The following RERE variants were observed in gnomAD, a reference collection of about 807,000 sequenced individuals.
RERE encodes arginine-glutamic acid dipeptide repeats, also known as arginine-glutamic acid dipeptide repeats protein.
Under a neutral mutation model 146.1 loss-of-function variants are expected in RERE, and 40 were observed. That is an observed-to-expected ratio of 0.27 (90% CI 0.21 to 0.36). The LOEUF is 0.36. Ranked by LOEUF, RERE falls within the 10% of genes least tolerant of loss-of-function variation. RERE has a pLI of 1.00. For missense variants in RERE, 1,933 were observed against 2,138.7 expected (o/e 0.90, Z 1.90); for synonymous variants, 1,003 against 866.0 (o/e 1.16, Z -2.78).
At chr1:8,575,207 T>C (rs1426194336) in intron 4 of RERE, among the ~76,000 whole-genome samples, 3 of 152,050 alleles carry the variant, frequency 2.0e-5, no homozygotes, top group Non-Finnish European at 2.9e-5. Context: ...AACTTGAGAA[T>C]CAACACATAA....
intron 2 of RERE, among the ~76,000 whole-genome samples, chr1:8,640,372 G>A (rs892651431): frequency 6.6e-6 from 1 of 152,022 alleles, no homozygotes; most frequent in South Asian, 2.1e-4. Context: ...CACAAAGAAA[G>A]CCAGAACAAT....
At chr1:8,492,217 C>G (rs942756456) in intron 10 of RERE, among the ~76,000 whole-genome samples, 3 of 152,086 alleles carry the variant, frequency 2.0e-5, no homozygotes, top group Non-Finnish European at 4.4e-5. Context: ...TCTGGGAGTG[C>G]TAACAAAACC....
chr1:8,428,519 C>T (rs1644048811), intron 11 of RERE: 2 of 152,166 alleles, frequency 1.3e-5, no homozygotes, highest in Admixed American at 1.3e-4. Flanking sequence ...AGCTGAATTT[C>T]GTATCACCAT....
chr1:8,387,901 T>C (rs937126245), intron 12 of RERE, among the ~76,000 whole-genome samples: 6 of 152,228 alleles, frequency 3.9e-5, no homozygotes, highest in African/African-American at 1.2e-4. Context: ...AAAAATTGTC[T>C]TAACTATACC....
At chr1:8,500,720 G>A (rs1459294360) in intron 8 of RERE, among the ~76,000 whole-genome samples, 1 of 152,018 alleles carries the variant, frequency 6.6e-6, no homozygotes, top group South Asian at 2.1e-4. Flanking sequence ...AGTCTGGAAA[G>A]TGAGGAGCGT....
chr1:8,387,779 G>C (rs1356377832), intron 12 of RERE, among the ~76,000 whole-genome samples: 4 of 152,202 alleles, frequency 2.6e-5, no homozygotes, highest in African/African-American at 9.6e-5. Context: ...TTTAAGGTCT[G>C]ATTCTATCAA....
At chr1:8,567,333 G>A (rs1277026026) in intron 4 of RERE, among the ~76,000 whole-genome samples, 1 of 152,168 alleles carries the variant, frequency 6.6e-6, no homozygotes, top group Non-Finnish European at 1.5e-5. Flanking sequence ...CATGAAGGGG[G>A]AATGGTAGGA....
In RERE at chr1:8,360,639, G is replaced by A; in HGVS notation, c.2868C>T (p.Pro956=). ...KHPPHLSGPS[P]FSMNANLPPP... Reference sequence around the variant, plus strand: ...GAGGCAGGTTGGCATTCATGGAGAAGGGTGAGGGCCCCGAGAGGTGGGGAG... The same window carrying A: ...GAGGCAGGTTGGCATTCATGGAGAAAGGTGAGGGCCCCGAGAGGTGGGGAG... The change falls in exon 18 of 23, where the codon CCC becomes CCT. Residue 956 remains proline, a synonymous_variant. Coordinates refer to ENST00000400908, the MANE Select transcript of RERE (RefSeq NM_001042681.2). 6.6e-7 allele frequency: 1 copy of A among 1,519,564 alleles called. No homozygotes were observed. The highest frequency in any genetic ancestry group is 8.8e-7 in the Non-Finnish European group (1 of 1,135,802). The allele number at this position is 1,519,564 out of a possible 1,614,324, so 94.1% of individuals were successfully genotyped here.
chr1:8,502,637 G>A (rs972778940), intron 8 of RERE, among the ~76,000 whole-genome samples: 8 of 149,696 alleles, frequency 5.3e-5, no homozygotes, highest in Admixed American at 1.3e-4. Context: ...CGGTTTTGTG[G>A]AATAGAAAGG....
chr1:8,549,868 C>T (rs1476265469), intron 6 of RERE, among the ~76,000 whole-genome samples: 1 of 152,142 alleles, frequency 6.6e-6, no homozygotes, highest in Non-Finnish European at 1.5e-5. Flanking sequence ...TTTGACAAAA[C>T]AATTGATCAA....
At chr1:8,716,141 T>C (rs899799632) in intron 1 of RERE, among the ~76,000 whole-genome samples, 18 of 148,432 alleles carry the variant, frequency 1.2e-4, no homozygotes, top group African/African-American at 4.2e-4. Flanking sequence ...TAAGGCCCCA[T>C]CTCGAGGGAA....
chr1:8,805,007 G>GTTTTTTTTTTTTTTTTT lies in RERE; in HGVS notation c.-145+12152_-145+12153insAAAAAAAAAAAAAAAAA, dbSNP rs1557553356. ...ATTTTTTTTGTTTTGTTTTGTTTTT[G>GTTTTTTTTTTTTTTTTT]GTTTTTTTTTTTTTTTTTTTTGAGA... On this transcript the variant is annotated intron_variant, in intron 1 of 22. Transcript: ENST00000400908. Among the ~76,000 whole-genome samples the GTTTTTTTTTTTTTTTTT allele has an allele frequency of 1.8e-4, 11 of 61,360 alleles. 1 individual carries two copies. Among genetic ancestry groups the GTTTTTTTTTTTTTTTTT allele is most frequent in the African/African-American group, 2.5e-4 (4 of 16,198 alleles). The allele number at this position is 61,360 out of a possible 152,430, so 40.3% of individuals were successfully genotyped here.
intron 7 of RERE, among the ~76,000 whole-genome samples, chr1:8,533,198 G>T (rs1277930210): frequency 2.8e-4 from 42 of 152,214 alleles, no homozygotes; most frequent in Non-Finnish European, 2.9e-5. Flanking sequence ...CTTGAAACAA[G>T]AGAACAGTGG....
chr1:8,666,152 C>T (rs1638569226), intron 1 of RERE, among the ~76,000 whole-genome samples: 1 of 152,182 alleles, frequency 6.6e-6, no homozygotes, highest in South Asian at 2.1e-4. Context: ...TGCCAGGCTA[C>T]TGAGATGAAA....
chr1:8,553,903 C>T (rs765159596), intron 6 of RERE, among the ~76,000 whole-genome samples: 9 of 152,268 alleles, frequency 5.9e-5, no homozygotes, highest in Middle Eastern at 3.4e-3. Context: ...ATGGGCCAGA[C>T]GTGGTGGCTC....
At chr1:8,781,086 G>A (rs147939236) in intron 1 of RERE, among the ~76,000 whole-genome samples, 360 of 151,820 alleles carry the variant, frequency 2.4e-3, no homozygotes, top group African/African-American at 8.3e-3. Context: ...GGCCAGGCAC[G>A]GTGGCTCACA....
At chr1:8,694,411 C>T (rs1639275656) in intron 1 of RERE, among the ~76,000 whole-genome samples, 1 of 152,090 alleles carries the variant, frequency 6.6e-6, no homozygotes, top group Admixed American at 6.6e-5. Context: ...TAGGAATACA[C>T]CTAACCAAGG....
intron 1 of RERE, among the ~76,000 whole-genome samples, chr1:8,805,649 CAAA>C (rs1229860670): frequency 3.3e-5 from 2 of 60,566 alleles, no homozygotes; most frequent in Non-Finnish European, 3.8e-5. Flanking sequence ...GAATCCGTCT[CAAA>C]AAAAAAAAAA....
At chr1:8,625,808 C>T (rs1570531591) in intron 2 of RERE, among the ~76,000 whole-genome samples, 2 of 152,170 alleles carry the variant, frequency 1.3e-5, no homozygotes, top group Admixed American at 1.3e-4. Flanking sequence ...GAAGAAAGTC[C>T]TCACAAATGA....
Sources: allele counts gnomAD v4.1 joint callset (sites outside exome capture counted in the v4.1 genomes callset), GRCh38; gene constraint gnomAD v4.1.1; transcripts MANE v1.5; gene names NCBI Gene and HGNC (gene_info 2026-07-23, HGNC 2026-07-21).